AATF: variants seen among roughly 807,000 people sequenced by gnomAD.
AATF encodes apoptosis antagonizing transcription factor.
Under a neutral mutation model 63.7 loss-of-function variants are expected in AATF, and 48 were observed. The observed-to-expected ratio is 0.75, with a 90% CI of 0.60 to 0.96. The LOEUF (loss-of-function observed/expected upper bound fraction) is 0.96. Among genes scored for constraint, AATF ranks in the 40% least tolerant of loss-of-function variants. The pLI is 0.00. For synonymous variants in AATF, 258 were observed against 247.7 expected (o/e 1.04, Z -0.39); for missense variants, 639 against 685.7 (o/e 0.93, Z 0.76).
At chr17:36,994,381 T>C (rs2071238347) in intron 8 of AATF, among the ~76,000 whole-genome samples, 1 of 152,266 alleles carries the variant, frequency 6.6e-6, no homozygotes, top group African/African-American at 2.4e-5. Context: ...GCAAATGATT[T>C]ATTGAGCTTT....
Position 36,953,896 on chromosome 17 carries a change from C to T in AATF, c.821C>T (p.Ala274Val), listed in dbSNP as rs116057283. The change falls in exon 4 of 12, where the codon GCC becomes GTC. Residue 274 changes from alanine (A) to valine (V), a missense_variant. Coordinates refer to ENST00000619387, the MANE Select transcript of AATF (RefSeq NM_012138.4). ...KDKGGPEFSS[A>V]LKNSHKALKA... ...AAAGGTGGCCCAGAATTTTCCAGTGCCCTGAAAAATAGTAAGAATACTTAT... is the reference window on the plus strand; with the variant it reads ...AAAGGTGGCCCAGAATTTTCCAGTGTCCTGAAAAATAGTAAGAATACTTAT... The T allele has an allele frequency of 1.9e-6, 3 of 1,613,032 alleles. No individual in the cohort carries two copies. Among genetic ancestry groups the T allele is most frequent in the Non-Finnish European group, 1.7e-6 (2 of 1,179,680 alleles).
At chr17:37,010,146 A>G (rs915310361) in intron 8 of AATF, among the ~76,000 whole-genome samples, 2 of 151,936 alleles carry the variant, frequency 1.3e-5, no homozygotes, top group African/African-American at 4.8e-5. Flanking sequence ...CAGATATGGT[A>G]TTTTCTCTCA....
chr17:37,018,891 T>A lies in AATF; in HGVS notation c.1399-114T>A, dbSNP rs2071447751. 2.1e-5 allele frequency: 17 copies of A among 811,038 alleles called. No individual in the cohort carries two copies. The South Asian group carries it at 2.5e-4, about 12-fold the overall frequency. 50.2% of individuals were successfully genotyped at this position (811,038 alleles called of 1,614,324 possible). A position where few individuals can be genotyped will look rare whatever the true frequency, so the allele number is the denominator to read the frequency against. ...GCTCTTGCCACTGGGTTGTCCCTTA[T>A]TGATTGTAGTTTTAGAGCTGTCACT... On this transcript the variant is annotated intron_variant, in intron 8 of 11. Transcript: ENST00000619387.
At chr17:37,002,285 G>T (rs1434648324) in intron 8 of AATF, among the ~76,000 whole-genome samples, 1 of 151,588 alleles carries the variant, frequency 6.6e-6, no homozygotes, top group African/African-American at 2.4e-5. Flanking sequence ...AAAGTTGTAG[G>T]ATACAAAATG....
chr17:37,032,993 A>G (rs577344807), intron 11 of AATF, among the ~76,000 whole-genome samples: 1 of 152,334 alleles, frequency 6.6e-6, no homozygotes, highest in South Asian at 2.1e-4. Flanking sequence ...CAAACTACAT[A>G]TAAACTTTTT....
chr17:37,048,104 T>C (rs2071709805), intron 11 of AATF, among the ~76,000 whole-genome samples: 1 of 152,028 alleles, frequency 6.6e-6, no homozygotes, highest in Non-Finnish European at 1.5e-5. Flanking sequence ...TCAGTTTTGG[T>C]TTGTTTTTTG....
chr17:36,950,158 C>T (rs932127531), intron 1 of AATF, 56 bp from the exon 2 acceptor site: 120 of 1,571,936 alleles, frequency 7.6e-5, no homozygotes, highest in Middle Eastern at 3.7e-4. Context: ...CCAGGGTTCC[C>T]GTTAAAGTTT....
chr17:37,027,785 T>C (rs957430886), intron 10 of AATF, among the ~76,000 whole-genome samples: 7 of 152,204 alleles, frequency 4.6e-5, no homozygotes, highest in African/African-American at 1.4e-4. Context: ...ACTAGCCCCA[T>C]TTCAAATGCA....
At chr17:37,040,748 C>G (rs1467318798) in intron 11 of AATF, among the ~76,000 whole-genome samples, 4 of 87,364 alleles carry the variant, frequency 4.6e-5, no homozygotes, top group Non-Finnish European at 4.9e-5. Context: ...TAAAATGCTT[C>G]CCCCCCCACG....
rs560477250 is a variant in AATF, at chr17:37,037,078, G to A, written c.1619+5393G>A. Among the ~76,000 whole-genome samples, 72 of 148,468 alleles carry A rather than the reference G, an allele frequency of 4.8e-4. 1 individual carries two copies. Among genetic ancestry groups the A allele is most frequent in the African/African-American group, 1.7e-3 (69 of 39,824 alleles). On this transcript the variant is annotated intron_variant, in intron 11 of 11. Transcript: ENST00000619387. Reference sequence around the variant, plus strand: ...GGCTGTAGTGCAGTGGGGTAATCTCGGCTCACTGCAAGCTCCGCCTCCTGG... The same window carrying A: ...GGCTGTAGTGCAGTGGGGTAATCTCAGCTCACTGCAAGCTCCGCCTCCTGG...
intron 4 of AATF, among the ~76,000 whole-genome samples, chr17:36,977,298 A>G (rs1460794518): frequency 6.6e-6 from 1 of 152,226 alleles, no homozygotes; most frequent in Non-Finnish European, 1.5e-5. Flanking sequence ...ACAGCACAAA[A>G]TGGTTAAGTG....
At chr17:37,049,825 GC>G (rs1392682197) in intron 11 of AATF, among the ~76,000 whole-genome samples, 6 of 152,260 alleles carry the variant, frequency 3.9e-5, no homozygotes, top group Admixed American at 3.3e-4. Context: ...CATTTGGGAG[GC>G]CCTGGGCATA....
chr17:37,012,109 A>G (rs913042961), intron 8 of AATF, among the ~76,000 whole-genome samples: 14 of 151,250 alleles, frequency 9.3e-5, no homozygotes, highest in African/African-American at 3.4e-4. Context: ...CTGGAGTGCA[A>G]TGGCGCAATC....
chr17:37,023,873 A>G (rs1052529793), intron 10 of AATF, among the ~76,000 whole-genome samples: 5 of 151,990 alleles, frequency 3.3e-5, no homozygotes, highest in Admixed American at 1.3e-4. Context: ...ACCAAAATCC[A>G]CAATGCTCAA....
At chr17:37,030,186 C>T (rs1329602154) in intron 10 of AATF, among the ~76,000 whole-genome samples, 1 of 152,112 alleles carries the variant, frequency 6.6e-6, no homozygotes, top group Non-Finnish European at 1.5e-5. Flanking sequence ...GCTGAGATTA[C>T]AGGCATGAGC....
At chr17:36,988,250 A>C (rs1458255214) in intron 5 of AATF, among the ~76,000 whole-genome samples, 1 of 152,160 alleles carries the variant, frequency 6.6e-6, no homozygotes, top group Admixed American at 6.6e-5. Flanking sequence ...CCAGAAGTGG[A>C]GGTTGCAGTG....
At chr17:36,983,238 T>C (rs1186214878) in intron 4 of AATF, among the ~76,000 whole-genome samples, 1 of 152,118 alleles carries the variant, frequency 6.6e-6, no homozygotes, top group Non-Finnish European at 1.5e-5. Flanking sequence ...AGACAGGGTC[T>C]TCCTACATTG....
At chr17:37,011,779 G>A (rs951387661) in intron 8 of AATF, among the ~76,000 whole-genome samples, 2 of 152,160 alleles carry the variant, frequency 1.3e-5, no homozygotes, top group Admixed American at 1.3e-4. Flanking sequence ...AGTAGTGCTA[G>A]ATGCCCATTA....
intron 8 of AATF, chr17:36,998,889 G>A (rs2071274080): frequency 6.6e-6 from 1 of 152,182 alleles, no homozygotes; most frequent in South Asian, 2.1e-4. Context: ...GAAAATAAAT[G>A]TTGAAAAGAG....
Sources: allele counts gnomAD v4.1 joint callset (sites outside exome capture counted in the v4.1 genomes callset), GRCh38; gene constraint gnomAD v4.1.1; transcripts MANE v1.5; gene names NCBI Gene and HGNC (gene_info 2026-07-23, HGNC 2026-07-21).